The following ADGRL2 variants were observed in gnomAD, a reference collection of about 807,000 sequenced individuals.
ADGRL2 encodes the protein calcium-independent alpha-latrotoxin receptor 2.
ADGRL2 carries 44 observed loss-of-function variants against 157.4 expected under a neutral mutation model. The observed-to-expected ratio is 0.28, with a 90% CI of 0.22 to 0.36. ADGRL2 has a LOEUF of 0.36. Among genes scored for constraint, ADGRL2 ranks in the 10% least tolerant of loss-of-function variants. The pLI is 1.00. For missense variants in ADGRL2, 1,510 were observed against 1,768.9 expected, an observed-to-expected ratio of 0.85 and a Z score of 2.63; for synonymous variants, 585 against 624.7, an observed-to-expected ratio of 0.94 and a Z score of 0.95.
chr1:81,541,102 T>A lies in ADGRL2; in HGVS notation c.-247-39774T>A, dbSNP rs935543132. 1.6e-4 allele frequency among the ~76,000 whole-genome samples: 25 copies of A among 152,174 alleles called. 1 individual carries two copies. The highest frequency in any genetic ancestry group is 3.5e-4 in the Non-Finnish European group (24 of 68,020). On this transcript the variant is annotated intron_variant, in intron 2 of 24. Coordinates refer to the ADGRL2 transcript ENST00000370721. ...TATAATTTATTTGTGGGGGAACAGC[T>A]AACAAGTAGGAAACCATATCAATAA...
At chr1:81,650,009 A>T (rs1352332974) in intron 3 of ADGRL2, among the ~76,000 whole-genome samples, 1 of 151,866 alleles carries the variant, frequency 6.6e-6, no homozygotes, top group Non-Finnish European at 1.5e-5. Context: ...AATTATACCA[A>T]GTTTGTGGGG....
At chr1:81,923,547 AT>A (rs1009594082) in intron 3 of ADGRL2, among the ~76,000 whole-genome samples, 41 of 148,454 alleles carry the variant, frequency 2.8e-4, no homozygotes, top group Admixed American at 6.7e-4. Flanking sequence ...TTTGGTCACT[AT>A]TTTTTTTTTA....
At chr1:81,973,557 TAAAAA>T (rs1230800684) in intron 17 of ADGRL2, among the ~76,000 whole-genome samples, 2 of 152,236 alleles carry the variant, frequency 1.3e-5, no homozygotes, top group African/African-American at 4.8e-5. Flanking sequence ...TTTAGATCAT[TAAAAA>T]ACATTTCAAT....
At chr1:81,318,928 C>CTTTTTTTTTTTTTTT (rs397980625) in intron 1 of ADGRL2, among the ~76,000 whole-genome samples, 2 of 45,832 alleles carry the variant, frequency 4.4e-5, no homozygotes, top group African/African-American at 1.9e-4. Flanking sequence ...TCCATCAATT[C>CTTTTTTTTTTTTTTT]TTTTTTTTTT....
intron 3 of ADGRL2, among the ~76,000 whole-genome samples, chr1:81,655,243 G>T (rs1030027273): frequency 6.6e-6 from 1 of 152,082 alleles, no homozygotes; most frequent in Admixed American, 6.6e-5. Flanking sequence ...TTCGTGATCC[G>T]CCCGCCTCGG....
chr1:81,531,339 T>C (rs914599948), intron 2 of ADGRL2, among the ~76,000 whole-genome samples: 1 of 151,806 alleles, frequency 6.6e-6, no homozygotes, highest in Admixed American at 6.5e-5. Context: ...CTACACCAAC[T>C]TTTGAACCTA....
At chr1:81,557,459 G>GAAAGAAA (rs2080316751) in intron 2 of ADGRL2, 1 of 37,950 alleles carries the variant, frequency 2.6e-5, no homozygotes, top group Non-Finnish European at 5.9e-5. Context: ...GAGAAAGAAA[G>GAAAGAAA]AAAGAAAGAA....
intron 1 of ADGRL2, among the ~76,000 whole-genome samples, chr1:81,760,361 C>T (rs2085835333): frequency 6.6e-6 from 1 of 151,956 alleles, no homozygotes; most frequent in African/African-American, 2.4e-5. Context: ...AAATCTAACC[C>T]CTTTAGTAGT....
chr1:81,881,703 C>T (rs2093993145), intron 2 of ADGRL2, among the ~76,000 whole-genome samples: 1 of 152,152 alleles, frequency 6.6e-6, no homozygotes, highest in South Asian at 2.1e-4. Flanking sequence ...TCCTACACCG[C>T]TTACAGTATG....
chr1:81,636,485 G>A (rs1472761936), intron 3 of ADGRL2, among the ~76,000 whole-genome samples: 4 of 151,946 alleles, frequency 2.6e-5, no homozygotes, highest in South Asian at 4.1e-4. Context: ...AGCCTTCCTC[G>A]GAGGGACCCA....
intron 2 of ADGRL2, among the ~76,000 whole-genome samples, chr1:81,768,534 T>A (rs1390737680): frequency 1.3e-5 from 2 of 151,220 alleles, no homozygotes; most frequent in Non-Finnish European, 2.9e-5. Context: ...AGTGCAGTGG[T>A]ACAATCACAG....
At chr1:81,814,225 A>C (rs2149716889) in intron 1 of ADGRL2, among the ~76,000 whole-genome samples, 1 of 151,780 alleles carries the variant, frequency 6.6e-6, no homozygotes, top group Non-Finnish European at 1.5e-5. Context: ...ATTTATGATA[A>C]AACATTCTCT....
At chr1:81,922,540 G>C (rs2095007604) in intron 3 of ADGRL2, among the ~76,000 whole-genome samples, 2 of 152,260 alleles carry the variant, frequency 1.3e-5, no homozygotes, top group South Asian at 4.1e-4. Context: ...TTTTATAGTA[G>C]AGAAGAGTAA....
chr1:81,816,979 T>C (rs1355102241), intron 1 of ADGRL2, among the ~76,000 whole-genome samples: 2 of 150,904 alleles, frequency 1.3e-5, no homozygotes, highest in African/African-American at 4.9e-5. Context: ...TTTTTTCAAG[T>C]ATATTTAGGG....
intron 1 of ADGRL2, among the ~76,000 whole-genome samples, chr1:81,410,314 T>C (rs2076926542): frequency 1.3e-5 from 2 of 152,218 alleles, no homozygotes; most frequent in African/African-American, 4.8e-5. Flanking sequence ...TGAATTTAGG[T>C]TCTTCTTTAA....
At chr1:81,771,392 C>G (rs751899921) in intron 2 of ADGRL2, among the ~76,000 whole-genome samples, 6 of 152,028 alleles carry the variant, frequency 3.9e-5, no homozygotes, top group Non-Finnish European at 7.4e-5. Flanking sequence ...TTTTCATGTC[C>G]CTGCTAGCAT....
intron 1 of ADGRL2, among the ~76,000 whole-genome samples, chr1:81,387,619 C>G (rs1466288791): frequency 2.6e-5 from 4 of 152,042 alleles, no homozygotes; most frequent in Non-Finnish European, 5.9e-5. Flanking sequence ...ACCCTCGAAG[C>G]CTTCAATTTT....
chr1:81,948,477 C>T (rs1282806823), intron 6 of ADGRL2, among the ~76,000 whole-genome samples: 3 of 152,120 alleles, frequency 2.0e-5, no homozygotes, highest in Non-Finnish European at 2.9e-5. Context: ...GGTAGTGTAG[C>T]GCTCAAGCAT....
chr1:81,550,851 G>T (rs1318487882), intron 2 of ADGRL2, among the ~76,000 whole-genome samples: 1 of 151,744 alleles, frequency 6.6e-6, no homozygotes, highest in Non-Finnish European at 1.5e-5. Flanking sequence ...ATTCATTACT[G>T]CCTATATTCA....
Sources: allele counts gnomAD v4.1 joint callset (sites outside exome capture counted in the v4.1 genomes callset), GRCh38; gene constraint gnomAD v4.1.1; transcripts MANE v1.5; gene names NCBI Gene and HGNC (gene_info 2026-07-23, HGNC 2026-07-21).